ZER1: variants seen among roughly 807,000 people sequenced by gnomAD.
The protein encoded by ZER1 is protein zer-1 homolog.
A neutral mutation model predicts 78.8 loss-of-function variants in ZER1; 11 were observed. The ratio of observed to expected loss-of-function variants is 0.14; its 90% CI spans 0.09 to 0.23. The LOEUF is 0.23. ZER1 is among the 10% of genes least tolerant of loss of function. The pLI, the probability that ZER1 is intolerant of heterozygous loss-of-function variation, is 1.00. For missense variants in ZER1, 588 were observed against 996.9 expected, an observed-to-expected ratio of 0.59 and a Z score of 5.52; for synonymous variants, 400 against 407.0, an observed-to-expected ratio of 0.98 and a Z score of 0.21.
intron 1 of ZER1, among the ~76,000 whole-genome samples, chr9:128,768,447 CCA>C (rs1864283146): frequency 6.6e-6 from 1 of 152,142 alleles, no homozygotes; most frequent in Non-Finnish European, 1.5e-5. Flanking sequence ...CAAGGGAAGG[CCA>C]TTATTCTTAA....
chr9:128,733,681 G>A (rs1328184480), intron 14 of ZER1, among the ~76,000 whole-genome samples, 153 bp from the exon 15 acceptor site: 2 of 151,756 alleles, frequency 1.3e-5, no homozygotes, highest in East Asian at 1.9e-4. Flanking sequence ...GGGGCAAGAC[G>A]TGGGCCCAGC....
At position 128,755,645 on chromosome 9, in the gene ZER1, TG is replaced by T; in HGVS notation, c.-81del. The T allele has an allele frequency of 1.3e-6, 2 of 1,551,844 alleles. No homozygotes were observed. Among genetic ancestry groups the T allele is most frequent in the Non-Finnish European group, 1.8e-6 (2 of 1,139,518 alleles). ...GATTCCTGAATACTCACAGGATCAT[TG>T]GCAGAGCCACTGCCTGGGGAGTGGA... On this transcript the variant is annotated 5_prime_UTR_variant, in exon 2 of 16. Transcript: ENST00000291900. This position sits in a 1 kb window ranked among gnomAD's most constrained non-coding sequence, Gnocchi z 5.6.
At chr9:128,771,365 C>T (rs1477993493) in intron 1 of ZER1, among the ~76,000 whole-genome samples, 1 of 152,160 alleles carries the variant, frequency 6.6e-6, no homozygotes, top group Non-Finnish European at 1.5e-5. Flanking sequence ...CTTGTAGGGG[C>T]AAACGACAGA....
At chr9:128,731,430 GC>G in intron 15 of ZER1, 36 bp from the exon 16 acceptor site, 1 of 1,202,854 alleles carries the variant, frequency 8.3e-7, no homozygotes, top group Non-Finnish European at 1.2e-6. Context: ...TGGAGGGTGG[GC>G]TTGGGTGGGG....
Position 128,732,131 on chromosome 9 carries a change from TCTC to T in ZER1, c.2244-740_2244-738del, listed in dbSNP as rs1862849343. ...AGGTCAGTGGACAGGCCGAGGGCCT[TCTC>T]CTAAGCATTGTCCAGGGTCATTTAC... On this transcript the variant is annotated intron_variant, in intron 15 of 15. Coordinates refer to ENST00000291900, the MANE Select transcript of ZER1 (RefSeq NM_006336.4). This position sits in a 1 kb window ranked among gnomAD's most constrained non-coding sequence, Gnocchi z 4.8. 6.6e-6 allele frequency among the ~76,000 whole-genome samples: 1 copy of T among 152,172 alleles called. No individual in the cohort carries two copies. The highest frequency in any genetic ancestry group is 1.5e-5 in the Non-Finnish European group (1 of 68,028).
chr9:128,758,917 C>G (rs1863950051), intron 1 of ZER1, among the ~76,000 whole-genome samples: 1 of 152,032 alleles, frequency 6.6e-6, no homozygotes, highest in South Asian at 2.1e-4. Flanking sequence ...TCTCCTTGAT[C>G]AGAGTACTGG....
Position 128,751,045 on chromosome 9 carries a change from G to T in ZER1, c.1185+77C>A. ...AGGGTGCAGAAGGACACAGGCTCTG[G>T]GGACACGGCTCAGCCAAGCCCGGCA... is the stretch of plus-strand genomic sequence containing the variant. On this transcript the variant is annotated intron_variant, in intron 7 of 15. Coordinates refer to ENST00000291900, the MANE Select transcript of ZER1 (RefSeq NM_006336.4). The surrounding 1 kb of genome is among the most constrained non-coding windows in gnomAD (Gnocchi z 5.4). 6.6e-7 allele frequency: 1 copy of T among 1,513,864 alleles called. No individual in the cohort carries two copies. 93.8% of individuals were successfully genotyped at this position (1,513,864 alleles called of 1,614,324 possible).
At chr9:128,742,003 C>T (rs987808505) in intron 9 of ZER1, among the ~76,000 whole-genome samples, 162 bp from the exon 10 acceptor site, 8 of 152,242 alleles carry the variant, frequency 5.3e-5, no homozygotes, top group Non-Finnish European at 7.3e-5. Flanking sequence ...AAGGCATCCA[C>T]GCCTCAGCCC....
intron 14 of ZER1, among the ~76,000 whole-genome samples, chr9:128,734,523 A>G (rs894889385): frequency 1.3e-5 from 2 of 151,142 alleles, no homozygotes; most frequent in Admixed American, 6.6e-5. Context: ...AAGTAGAGAC[A>G]GGGTTGCGCT....
At chr9:128,765,682 GA>G (rs2132487815) in intron 1 of ZER1, among the ~76,000 whole-genome samples, 1 of 152,244 alleles carries the variant, frequency 6.6e-6, no homozygotes, top group South Asian at 2.1e-4. Flanking sequence ...GAGCTGGGGG[GA>G]AAACCCAAAC....
chr9:128,736,389 TTTTC>T (rs1293962834), intron 13 of ZER1, among the ~76,000 whole-genome samples: 1 of 150,538 alleles, frequency 6.6e-6, no homozygotes, highest in Non-Finnish European at 1.5e-5. Flanking sequence ...TCCAGCCCTT[TTTTC>T]TTTGTTTTTT....
At position 128,741,659 on chromosome 9, in the gene ZER1, GAGGGC is replaced by G; in HGVS notation, c.1618-10_1618-6del. On this transcript the variant is annotated splice_region_variant and splice_polypyrimidine_tract_variant and intron_variant, in intron 10 of 15. Coordinates refer to ENST00000291900, the MANE Select transcript of ZER1 (RefSeq NM_006336.4). ...GAACTCCATGACCTGGTCACACTGT[GAGGGC>G]AGGGCAGGGCTCAGCCAAGGCTCCT... 1 of 1,614,176 alleles carries G rather than the reference GAGGGC, an allele frequency of 6.2e-7. No individual in the cohort carries two copies. The highest frequency in any genetic ancestry group is 1.1e-5 in the South Asian group (1 of 91,090).
At chr9:128,733,388 C>T (rs757898519) in intron 15 of ZER1, 38 bp downstream of exon 15, 2 of 1,600,532 alleles carry the variant, frequency 1.2e-6, no homozygotes, top group Non-Finnish European at 1.7e-6. Context: ...CTCCCCTAAA[C>T]CAAGGTTCCA....
At chr9:128,744,632 C>A (rs1863424929) in intron 8 of ZER1, among the ~76,000 whole-genome samples, 3 of 151,972 alleles carry the variant, frequency 2.0e-5, no homozygotes, top group Non-Finnish European at 4.4e-5. Context: ...GCTCCAGCCA[C>A]CATGCCTGGC....
Position 128,755,498 on chromosome 9 carries a change from C to G in ZER1, c.68G>C (p.Gly23Ala), listed in dbSNP as rs754659041. 6.8e-6 allele frequency: 11 copies of G among 1,614,042 alleles called. No individual in the cohort carries two copies. In the South Asian group the frequency reaches 1.2e-4, roughly 18 times the overall value. The change falls in exon 2 of 16, where the codon GGC becomes GCC. Residue 23 changes from glycine to alanine, a missense_variant. Physicochemically the swap from Gly to Ala is moderately conservative, Grantham distance 60 (BLOSUM62 0). Transcript: ENST00000291900. This position sits in a 1 kb window ranked among gnomAD's most constrained non-coding sequence, Gnocchi z 5.6. ...CTTGTCCAGCAGGTAGCCCAGGGTG[C>G]CATCCAGGTTGCGCAAGCAGAAGTC... ...CTDFCLRNLD[G>A]TLGYLLDKET...
intron 1 of ZER1, among the ~76,000 whole-genome samples, chr9:128,757,493 G>A (rs902152478): frequency 6.6e-6 from 1 of 151,692 alleles, no homozygotes; most frequent in African/African-American, 2.4e-5. Context: ...CCGCGCTCTA[G>A]CCTGGGCAAC....
At chr9:128,744,589 C>G (rs1863423216) in intron 8 of ZER1, among the ~76,000 whole-genome samples, 1 of 151,700 alleles carries the variant, frequency 6.6e-6, no homozygotes, top group Admixed American at 6.6e-5. Context: ...AGTGATTCTT[C>G]TGCCTCAGCC....
rs766652996 is a variant in ZER1 at position 128,753,886 on chromosome 9, G to A, written c.232C>T (p.Arg78Cys). The change falls in exon 3 of 16, where the codon CGC becomes TGC. Residue 78 changes from arginine (R) to cysteine (C), a missense_variant. Coordinates refer to ENST00000291900, the MANE Select transcript of ZER1 (RefSeq NM_006336.4). This position sits in a 1 kb window ranked among gnomAD's most constrained non-coding sequence, Gnocchi z 7.5. ...TGGATCCGCGTGAGGCGGGTGCTGC[G>A]GGGGTCCGAAAAGAGGCTGAAGAAG... ...ESFFSLFSDPRSTRLTRIHLR... is the reference protein window; with the variant it reads ...ESFFSLFSDPCSTRLTRIHLR... The A allele has an allele frequency of 3.7e-6, 6 of 1,600,702 alleles. No homozygotes were observed. The highest frequency in any genetic ancestry group is 1.3e-5 in the African/African-American group (1 of 74,882).
In ZER1 at chr9:128,740,701, A is replaced by T. The variant is rs146185228; in HGVS notation, c.1853+71T>A. 417 of 740,984 alleles carry T rather than the reference A, an allele frequency of 5.6e-4. 1 individual carries two copies. Among genetic ancestry groups the T allele is most frequent in the Non-Finnish European group, 7.8e-4 (310 of 397,478 alleles). 45.9% of individuals were successfully genotyped at this position (740,984 alleles called of 1,614,324 possible). On this transcript the variant is annotated intron_variant, in intron 12 of 15. Transcript: ENST00000291900. This position sits in a 1 kb window ranked among gnomAD's most constrained non-coding sequence, Gnocchi z 4.4. Reference sequence around the variant, plus strand: ...AACCTAGGCTAAGAGCAGTTGTGCAACTGAGCAAACGCTAGAGCTCTGAGC... The same window carrying T: ...AACCTAGGCTAAGAGCAGTTGTGCATCTGAGCAAACGCTAGAGCTCTGAGC...
Sources: gnomAD v4.1 joint callset for allele counts (sites outside exome capture counted in the v4.1 genomes callset) on GRCh38, gnomAD v4.1.1 for gene constraint, Gnocchi (gnomAD v3.1) non-coding constraint, MANE v1.5 for transcripts, NCBI Gene and HGNC (gene_info 2026-07-23, HGNC 2026-07-21) for gene names.